Variants in EIF3F observed in about 807,000 individuals in gnomAD.
EIF3F encodes deubiquitinating enzyme eIF3f.
Under a neutral mutation model 36.0 loss-of-function variants are expected in EIF3F, and 8 were observed. The ratio of observed to expected loss-of-function variants is 0.22; its 90% CI spans 0.13 to 0.40. The LOEUF is 0.40. Among genes scored for constraint, EIF3F ranks in the 10% least tolerant of loss-of-function variants. EIF3F has a pLI of 1.00. For missense variants in EIF3F, 430 were observed against 467.6 expected, an observed-to-expected ratio of 0.92 and a Z score of 0.74; for synonymous variants, 184 against 188.5, an observed-to-expected ratio of 0.98 and a Z score of 0.19.
At chr11:7,988,420 C>T (rs1942053663) in intron 1 of EIF3F, among the ~76,000 whole-genome samples, 1 of 152,142 alleles carries the variant, frequency 6.6e-6, no homozygotes, top group Non-Finnish European at 1.5e-5. Flanking sequence ...ATATTTCTGC[C>T]CTTAACCTTC....
rs182164953 is a variant in EIF3F at position 8,001,217 on chromosome 11, A to G, written c.*5195A>G. On this transcript the variant is annotated 3_prime_UTR_variant, in exon 8 of 8. Transcript: ENST00000651655. ...TTAAAAATCAGATTCGCAAATTTTA[A>G]AAGTTGCTAACACTGGAATGGCCAG... 2.0e-5 allele frequency: 3 copies of G among 152,370 alleles called. No individual in the cohort carries two copies. The highest frequency in any genetic ancestry group is 2.9e-5 in the Non-Finnish European group (2 of 68,038). 9.4% of individuals were successfully genotyped at this position (152,370 alleles called of 1,614,324 possible).
intron 3 of EIF3F, chr11:7,992,370 C>G (rs1942107574): frequency 1.7e-6 from 1 of 590,856 alleles, no homozygotes. Flanking sequence ...AGTTCAAGAT[C>G]AGCCTGAACA....
chr11:7,987,361 A>G lies in EIF3F; in HGVS notation c.9A>G (p.Thr3=), dbSNP rs766590381. The change falls in exon 1 of 8, where the codon ACA becomes ACG. Residue 3 remains threonine (T), a synonymous_variant. Transcript: ENST00000651655. ...CCTTCTTTCTCGACAAGATGGCCAC[A>G]CCGGCGGTACCAGTAAGTGCTCCTC... is the stretch of plus-strand genomic sequence containing the variant. MA[T]PAVPVSAPPA... 8.8e-6 allele frequency: 14 copies of G among 1,593,258 alleles called. No homozygotes were observed. Among genetic ancestry groups the G allele is most frequent in the Non-Finnish European group, 1.0e-5 (12 of 1,176,364 alleles).
rs1312500085 is a variant in EIF3F, at chr11:7,996,923, A to C, written c.*901A>C. On this transcript the variant is annotated 3_prime_UTR_variant, in exon 8 of 8. Transcript: ENST00000651655. Reference sequence around the variant, plus strand: ...GAGTCATAAGATATGGATCATAAACATACATAGTCCATTAGGGTATTATGA... The same window carrying C: ...GAGTCATAAGATATGGATCATAAACCTACATAGTCCATTAGGGTATTATGA... 6.6e-6 allele frequency: 1 copy of C among 152,246 alleles called. No homozygotes were observed. Among genetic ancestry groups the C allele is most frequent in the South Asian group, 2.1e-4 (1 of 4,832 alleles). The allele number at this position is 152,246 out of a possible 1,614,324, so 9.4% of individuals were successfully genotyped here. A position where few individuals can be genotyped will look rare whatever the true frequency, so the allele number is the denominator to read the frequency against.
chr11:7,992,528 T>C, intron 3 of EIF3F: 1 of 428,712 alleles, frequency 2.3e-6, no homozygotes, highest in Non-Finnish European at 4.3e-6. Context: ...GCTATGATCA[T>C]GCCTTGCCAC....
chr11:7,988,241 A>G (rs1303192565), intron 1 of EIF3F, among the ~76,000 whole-genome samples: 4 of 152,184 alleles, frequency 2.6e-5, no homozygotes, highest in Non-Finnish European at 5.9e-5. Context: ...ATTCCTCCCA[A>G]CAAGTAAACC....
chr11:8,001,775 C>G lies in EIF3F; in HGVS notation c.*5753C>G, dbSNP rs945674904. On this transcript the variant is annotated 3_prime_UTR_variant, in exon 8 of 8. Transcript: ENST00000651655. ...ACGAAAGATTTACTTCTTATTGTTTCTTCTGTATAACTTTTGAATTTTATG... is the reference window on the plus strand; with the variant it reads ...ACGAAAGATTTACTTCTTATTGTTTGTTCTGTATAACTTTTGAATTTTATG... The G allele has an allele frequency of 3.3e-5, 5 of 152,016 alleles. No individual in the cohort carries two copies. The highest frequency in any genetic ancestry group is 1.2e-4 in the African/African-American group (5 of 41,376). 9.4% of individuals were successfully genotyped at this position (152,016 alleles called of 1,614,324 possible). A position where few individuals can be genotyped will look rare whatever the true frequency, so the allele number is the denominator to read the frequency against.
At chr11:7,991,944 C>T in intron 2 of EIF3F, 93 bp downstream of exon 2, 1 of 1,530,440 alleles carries the variant, frequency 6.5e-7, no homozygotes, top group Non-Finnish European at 9.0e-7. Context: ...AACTAGAGCT[C>T]CTGTAGCCAA....
chr11:7,989,341 A>C (rs1009771913), intron 1 of EIF3F, among the ~76,000 whole-genome samples: 6 of 152,216 alleles, frequency 3.9e-5, no homozygotes, highest in Admixed American at 3.3e-4. Flanking sequence ...TAGCGCCCCA[A>C]ATATTCCAGT....
Position 7,994,373 on chromosome 11 carries a change from C to T in EIF3F, c.654-53C>T, listed in dbSNP as rs1942137137. 5 of 1,511,092 alleles carry T rather than the reference C, an allele frequency of 3.3e-6. No homozygotes were observed. The Admixed American group carries it at 7.0e-5, about 21-fold the overall frequency. 93.6% of individuals were successfully genotyped at this position (1,511,092 alleles called of 1,614,324 possible). A position where few individuals can be genotyped will look rare whatever the true frequency, so the allele number is the denominator to read the frequency against. Reference sequence around the variant, plus strand: ...ATCTGCTTTCTCAGCCCAGAATAGACATGGAAACCCTCTCCCAAGGCCATC... The same window carrying T: ...ATCTGCTTTCTCAGCCCAGAATAGATATGGAAACCCTCTCCCAAGGCCATC... On this transcript the variant is annotated intron_variant, in intron 4 of 7. Coordinates refer to ENST00000651655, the MANE Select transcript of EIF3F (RefSeq NM_003754.3).
At chr11:7,992,790 A>G in intron 3 of EIF3F, 97 bp from the exon 4 acceptor site, 1 of 1,534,272 alleles carries the variant, frequency 6.5e-7, no homozygotes, top group Non-Finnish European at 9.0e-7. Context: ...GTCCTACCGT[A>G]GAAGTGTCCG....
In EIF3F at chr11:7,987,554, G is replaced by A. The variant is rs773463834; in HGVS notation, c.202G>A (p.Ala68Thr). The change falls in exon 1 of 8, where the codon GCT (alanine) becomes ACT (threonine). Residue 68 changes from alanine to threonine, a missense_variant. Around this residue, in one of 2 missense-constraint regions of EIF3F, gnomAD observed 168 missense variants for 120.2 expected, o/e 1.40. Transcript: ENST00000651655. ...APGQTPASAQAPAQTPAPALP... is the reference protein window; with the variant it reads ...APGQTPASAQTPAQTPAPALP... The stretch of plus-strand genomic sequence containing the variant: ...TGGCCAGACCCCGGCCTCAGCGCAA[G>A]CTCCAGCGCAGACCCCAGCGCCCGC... 3 of 1,600,108 alleles carry A rather than the reference G, an allele frequency of 1.9e-6. No individual in the cohort carries two copies. Among genetic ancestry groups the A allele is most frequent in the Middle Eastern group, 4.4e-4 (2 of 4,498 alleles).
rs753162508 is a variant in EIF3F, at chr11:7,987,364, G to C, written c.12G>C (p.Pro4=). The change falls in exon 1 of 8, where the codon CCG becomes CCC. Residue 4 remains proline, a synonymous_variant. Transcript: ENST00000651655. MAT[P]AVPVSAPPAT... is the part of the protein sequence containing the mutation. ...TCTTTCTCGACAAGATGGCCACACC[G>C]GCGGTACCAGTAAGTGCTCCTCCGG... 21 of 1,593,742 alleles carry C rather than the reference G, an allele frequency of 1.3e-5. No homozygotes were observed. Among genetic ancestry groups the C allele is most frequent in the Non-Finnish European group, 1.8e-5 (21 of 1,176,586 alleles).
rs1441134420 is a variant in EIF3F, at chr11:7,995,335, G to A, written c.964G>A (p.Asp322Asn). 2 of 1,614,138 alleles carry A rather than the reference G, an allele frequency of 1.2e-6. No homozygotes were observed. Among genetic ancestry groups the A allele is most frequent in the Admixed American group, 1.7e-5 (1 of 60,020 alleles). ...VNQVPKIVPD[D>N]FETMLNSNIN... ...CCAAGTACCGAAAATAGTTCCCGATGACTTTGAGACCATGCTCAACAGCAA... is the reference window on the plus strand; with the variant it reads ...CCAAGTACCGAAAATAGTTCCCGATAACTTTGAGACCATGCTCAACAGCAA... Residue 322 changes from aspartate (D) to asparagine (N), a missense_variant, in exon 7 of 8, where the codon GAC (aspartate) becomes AAC (asparagine). Asp to Asn is a conservative substitution (Grantham distance 23, BLOSUM62 1). Coordinates refer to ENST00000651655, the MANE Select transcript of EIF3F (RefSeq NM_003754.3).
At chr11:7,990,640 A>G (rs1455617168) in intron 1 of EIF3F, among the ~76,000 whole-genome samples, 2 of 152,190 alleles carry the variant, frequency 1.3e-5, no homozygotes. Context: ...TGAGAGGTCA[A>G]ATAAGATAAA....
At chr11:7,994,574 C>T in intron 5 of EIF3F, 57 bp downstream of exon 5, 1 of 1,513,228 alleles carries the variant, frequency 6.6e-7, no homozygotes, top group South Asian at 1.2e-5. Context: ...GGGAAGGGGG[C>T]TGCTAGTCTG....
In EIF3F at chr11:7,997,509, A is replaced by G. The variant is rs1311022243; in HGVS notation, c.*1487A>G. The stretch of plus-strand genomic sequence containing the variant: ...AACAAAAGATGGCAAAACAAGTCCA[A>G]ATAGATCAGTAATTACAATAAATGT... On this transcript the variant is annotated 3_prime_UTR_variant, in exon 8 of 8. Coordinates refer to ENST00000651655, the MANE Select transcript of EIF3F (RefSeq NM_003754.3). 6.6e-6 allele frequency: 1 copy of G among 152,238 alleles called. No homozygotes were observed. Among genetic ancestry groups the G allele is most frequent in the Admixed American group, 6.5e-5 (1 of 15,282 alleles). The allele number at this position is 152,238 out of a possible 1,614,324, so 9.4% of individuals were successfully genotyped here.
chr11:7,990,876 T>TAAAG (rs1308254551), intron 1 of EIF3F, among the ~76,000 whole-genome samples: 80 of 135,512 alleles, frequency 5.9e-4, no homozygotes, highest in Non-Finnish European at 8.9e-4. Context: ...AATAAATAAA[T>TAAAG]AAATAAATAA....
rs1942204746 is a variant in EIF3F at position 8,000,183 on chromosome 11, G to A, written c.*4161G>A. On this transcript the variant is annotated 3_prime_UTR_variant, in exon 8 of 8. Coordinates refer to ENST00000651655, the MANE Select transcript of EIF3F (RefSeq NM_003754.3). ...CACTGCAGTCCAGCCTGAGCGACAAGAGTGAGAAGAGTGAGACTTCATCTC... is the reference window on the plus strand; with the variant it reads ...CACTGCAGTCCAGCCTGAGCGACAAAAGTGAGAAGAGTGAGACTTCATCTC... 6.7e-6 allele frequency: 1 copy of A among 150,368 alleles called. No individual in the cohort carries two copies. The highest frequency in any genetic ancestry group is 1.5e-5 in the Non-Finnish European group (1 of 67,784). 9.3% of individuals were successfully genotyped at this position (150,368 alleles called of 1,614,324 possible).
Sources: allele counts gnomAD v4.1 joint callset (sites outside exome capture counted in the v4.1 genomes callset), GRCh38; gene constraint gnomAD v4.1.1; regional missense constraint gnomAD v4.1.1; transcripts MANE v1.5; gene names NCBI Gene and HGNC (gene_info 2026-07-23, HGNC 2026-07-21).